The following PNPLA7 variants were observed in gnomAD, a reference collection of about 807,000 sequenced individuals.
PNPLA7 encodes the protein patatin like domain 7, lysophospholipase.
PNPLA7 carries 153 observed loss-of-function variants against 161.7 expected under a neutral mutation model. That is an observed-to-expected ratio of 0.95 (90% confidence interval 0.83 to 1.08). The LOEUF (loss-of-function observed/expected upper bound fraction) is 1.08, where lower values mean the gene tolerates loss of function less well. Among genes scored for constraint, PNPLA7 ranks in the 50% least tolerant of loss-of-function variants. The pLI is 0.00. For synonymous variants in PNPLA7, 809 were observed against 782.1 expected, an observed-to-expected ratio of 1.03 and a Z score of -0.57; for missense variants, 1,739 against 1,856.6, an observed-to-expected ratio of 0.94 and a Z score of 1.16.
In PNPLA7 at chr9:137,543,902, G is replaced by A. The variant is rs1304931225; in HGVS notation, c.274-87C>T. 1 of 1,096,394 alleles carries A rather than the reference G, an allele frequency of 9.1e-7. No individual in the cohort carries two copies. Among genetic ancestry groups the A allele is most frequent in the Non-Finnish European group, 1.4e-6 (1 of 721,368 alleles). 67.9% of individuals were successfully genotyped at this position (1,096,394 alleles called of 1,614,324 possible). Reference sequence around the variant, plus strand: ...CCATGGGGATCAGTCCTCAGGACCTGCCTGTGGGCCTCCCACAGTCCCAGC... The same window carrying A: ...CCATGGGGATCAGTCCTCAGGACCTACCTGTGGGCCTCCCACAGTCCCAGC... On this transcript the variant is annotated intron_variant, in intron 4 of 34. Transcript: ENST00000406427. The surrounding 1 kb of genome is among the most constrained non-coding windows in gnomAD (Gnocchi z 6.9).
At chr9:137,542,589 C>T (rs542971825) in intron 7 of PNPLA7, 53 bp downstream of exon 7, 421 of 1,464,510 alleles carry the variant, frequency 2.9e-4, no homozygotes, top group Non-Finnish European at 3.6e-4. Context: ...AGAAGACAGA[C>T]GTGGAGGTAA....
chr9:137,461,955 C>A lies in PNPLA7; in HGVS notation c.3732G>T (p.Gly1244=). ...VLEKMLRDQQ[G]PSKKPASAVL... ...CCGCACTCGCGGGCTTCTTGCTCGG[C>A]CCCTGCTGGTCGCGGAGCATCTTCT... Residue 1244 remains glycine (G), a synonymous_variant, in exon 32 of 35, where the codon GGG becomes GGT. Transcript: ENST00000406427. The A allele has an allele frequency of 6.3e-7, 1 of 1,590,350 alleles. No homozygotes were observed. The highest frequency in any genetic ancestry group is 2.3e-5 in the East Asian group (1 of 43,382).
intron 18 of PNPLA7, among the ~76,000 whole-genome samples, chr9:137,495,728 C>A (rs1833020719): frequency 6.6e-6 from 1 of 152,210 alleles, no homozygotes; most frequent in Admixed American, 6.5e-5. Flanking sequence ...CAGGCGTGAG[C>A]CGCCGCGCCC....
intron 33 of PNPLA7, 75 bp downstream of exon 33, chr9:137,461,461 T>TGGGGGGGGGGGGGCCCTGGGGGGG: frequency 8.4e-7 from 1 of 1,189,090 alleles, no homozygotes; most frequent in Non-Finnish European, 1.1e-6. Context: ...GCCTCTGGGG[T>TGGGGGGGGGGGGGCCCTGGGGGGG]GGGGGGGTTC....
At position 137,521,699 on chromosome 9, in the gene PNPLA7, C is replaced by T. The variant is rs1475975770; in HGVS notation, c.894G>A (p.Leu298=). ...GCAGAGCCAGAAAGGTCACCCTCTG[C>T]AGCCGCACCATGATGATCTGCAAGA... ...VRVVQIIMVR[L]QRVTFLALHN... Residue 298 remains leucine, a synonymous_variant, in exon 10 of 35, where the codon CTG becomes CTA. Transcript: ENST00000406427. The T allele has an allele frequency of 1.2e-6, 2 of 1,611,004 alleles. No homozygotes were observed. The highest frequency in any genetic ancestry group is 1.3e-5 in the African/African-American group (1 of 74,898).
chr9:137,498,144 AC>A lies in PNPLA7; in HGVS notation c.1858del (p.Val620TrpfsTer30). 6.2e-7 allele frequency: 1 copy of A among 1,612,916 alleles called. No homozygotes were observed. The highest frequency in any genetic ancestry group is 8.5e-7 in the Non-Finnish European group (1 of 1,179,940). On this transcript the variant is annotated frameshift_variant, in exon 17 of 35. Transcript: ENST00000406427. LOFTEE classifies it high-confidence loss of function. ...TATTGCTCGCCCGGCCTCCACCTCCACCCAGTCCAGGGCAAAGTCGATTTGC... is the reference window on the plus strand; with the variant it reads ...TATTGCTCGCCCGGCCTCCACCTCCACCAGTCCAGGGCAAAGTCGATTTGC... ...VRQIDFALDWVEVEAGRAIYR... is the reference protein window; with the variant it reads ...VRQIDFALDWXEVEAGRAIYR...
At chr9:137,514,197 G>C (rs1334156575) in intron 12 of PNPLA7, among the ~76,000 whole-genome samples, 1 of 149,746 alleles carries the variant, frequency 6.7e-6, no homozygotes, top group Admixed American at 6.6e-5. Context: ...CCTGTGGCTG[G>C]GCTGCAGGCG....
intron 26 of PNPLA7, chr9:137,464,949 CG>C: frequency 6.2e-6 from 1 of 160,258 alleles, no homozygotes; most frequent in Non-Finnish European, 1.4e-5. Context: ...TCAGGGGTCC[CG>C]GGGAAGCCGG....
At chr9:137,509,442 G>C (rs1024874466) in intron 12 of PNPLA7, 2 of 217,318 alleles carry the variant, frequency 9.2e-6, no homozygotes, top group East Asian at 1.2e-4. Context: ...AGTTTAGCTG[G>C]TATGAATGAG....
Position 137,461,982 on chromosome 9 carries a change from C to A in PNPLA7, c.3705G>T (p.Leu1235=). ...CCTGCTGGTCGCGGAGCATCTTCTC[C>A]AGCACGCCGCTGCGGCCCCAGATGT... is the stretch of plus-strand genomic sequence containing the variant. The part of the protein sequence containing the change: ...VFDIWGRSGV[L]EKMLRDQQGP... Residue 1235 remains leucine (L), a synonymous_variant, in exon 32 of 35, where the codon CTG becomes CTT. Coordinates refer to ENST00000406427, the MANE Select transcript of PNPLA7 (RefSeq NM_001098537.3). 1 of 1,601,504 alleles carries A rather than the reference C, an allele frequency of 6.2e-7. No individual in the cohort carries two copies. The highest frequency in any genetic ancestry group is 1.1e-5 in the South Asian group (1 of 89,380).
rs1184838792 is a variant in PNPLA7 at position 137,524,582 on chromosome 9, G to A, written c.748-1725C>T. Among the ~76,000 whole-genome samples the A allele has an allele frequency of 6.6e-6, 1 of 152,220 alleles. No homozygotes were observed. On this transcript the variant is annotated intron_variant, in intron 8 of 34. Coordinates refer to ENST00000406427, the MANE Select transcript of PNPLA7 (RefSeq NM_001098537.3). This position sits in a 1 kb window ranked among gnomAD's most constrained non-coding sequence, Gnocchi z 4.4. ...CTCATCCCTCTTGCTAAATACCTAG[G>A]GATGGGACTTGTAGGTTGTACGGAA...
At chr9:137,502,805 C>G (rs989732710) in intron 14 of PNPLA7, among the ~76,000 whole-genome samples, 9 of 92,058 alleles carry the variant, frequency 9.8e-5, no homozygotes, top group South Asian at 4.5e-4. Context: ...ACTGAACGCA[C>G]GGCTGAAGTC....
chr9:137,464,394 G>A lies in PNPLA7; in HGVS notation c.3102C>T (p.Ser1034=), dbSNP rs746093536. The change falls in exon 27 of 35, where the codon TCC becomes TCT. Residue 1034 remains serine, a synonymous_variant. Transcript: ENST00000406427. ...AGATGCTGCTGTTGAAGCCGGCTCC[G>A]GAGAACATGGACGTGATGGGGTAGG... ...DLTYPITSMF[S]GAGFNSSIFS... 36 of 1,613,806 alleles carry A rather than the reference G, an allele frequency of 2.2e-5. No homozygotes were observed. The highest frequency in any genetic ancestry group is 4.4e-5 in the South Asian group (4 of 91,088).
intron 12 of PNPLA7, among the ~76,000 whole-genome samples, chr9:137,512,962 GAAA>G (rs34062048): frequency 8.7e-6 from 1 of 114,934 alleles, no homozygotes. Context: ...GCCTCTGTCT[GAAA>G]AAAAAAAAAA....
chr9:137,505,488 C>T (rs1588630721), intron 14 of PNPLA7, 126 bp downstream of exon 14: 2 of 1,143,496 alleles, frequency 1.7e-6, no homozygotes, highest in Non-Finnish European at 2.4e-6. Context: ...CAAGCCTGCA[C>T]TCCACCCAAA....
intron 8 of PNPLA7, among the ~76,000 whole-genome samples, chr9:137,527,346 G>A (rs113111941): frequency 8.8e-4 from 131 of 148,168 alleles, no homozygotes; most frequent in African/African-American, 3.2e-3. Flanking sequence ...CAATCTTCAA[G>A]GGAAAATATT....
At chr9:137,534,159 TC>T (rs1835756508) in intron 8 of PNPLA7, among the ~76,000 whole-genome samples, 1 of 137,792 alleles carries the variant, frequency 7.3e-6, no homozygotes, top group African/African-American at 2.8e-5. Context: ...CAGTGTCCAC[TC>T]CAGACGGGAG....
At chr9:137,501,829 GC>G in intron 14 of PNPLA7, 102 bp from the exon 15 acceptor site, 1 of 1,220,716 alleles carries the variant, frequency 8.2e-7, no homozygotes, top group Non-Finnish European at 1.2e-6. Context: ...GAGCGGTGAG[GC>G]CAGAGGCCGG....
At chr9:137,506,140 C>T (rs554803009) in intron 12 of PNPLA7, 57 bp from the exon 13 acceptor site, 67 of 1,461,660 alleles carry the variant, frequency 4.6e-5, no homozygotes, top group Non-Finnish European at 5.8e-5. Context: ...CACAAACGTC[C>T]GCGGTGTGGG....
Sources: allele counts gnomAD v4.1 joint callset (sites outside exome capture counted in the v4.1 genomes callset), GRCh38; gene constraint gnomAD v4.1.1; non-coding constraint Gnocchi (gnomAD v3.1); transcripts MANE v1.5; gene names NCBI Gene and HGNC (gene_info 2026-07-23, HGNC 2026-07-21).